Variants in KIAA0319L observed in about 807,000 individuals in gnomAD.
The protein encoded by KIAA0319L is KIAA0319 like.
Under a neutral mutation model 120.1 loss-of-function variants are expected in KIAA0319L, and 55 were observed. The ratio of observed to expected loss-of-function variants is 0.46; its 90% confidence interval spans 0.37 to 0.57. The LOEUF (loss-of-function observed/expected upper bound fraction) is 0.57. KIAA0319L is among the 20% of genes least tolerant of loss of function. KIAA0319L has a pLI of 0.00. For synonymous variants in KIAA0319L, 398 were observed against 471.9 expected (o/e 0.84, Z 2.03); for missense variants, 1,049 against 1,255.3 (o/e 0.84, Z 2.48).
chr1:35,434,692 A>G lies in KIAA0319L; in HGVS notation c.*202T>C. On this transcript the variant is annotated 3_prime_UTR_variant, in exon 21 of 21. Transcript: ENST00000325722. ...ATCTGGGGGCCCACCAGACAGGTTT[A>G]AAGAGGAAACCTCTTCATTCACAGC... 1 of 561,912 alleles carries G rather than the reference A, an allele frequency of 1.8e-6. No homozygotes were observed. Among genetic ancestry groups the G allele is most frequent in the Admixed American group, 3.2e-5 (1 of 31,230 alleles). 34.8% of individuals were successfully genotyped at this position (561,912 alleles called of 1,614,324 possible).
chr1:35,456,266 G>A (rs1356466708), intron 9 of KIAA0319L, 25 bp from the exon 10 acceptor site: 2 of 1,425,768 alleles, frequency 1.4e-6, no homozygotes, highest in East Asian at 2.3e-5. Flanking sequence ...AGAGGAGTGT[G>A]ATCAGGGACG....
chr1:35,491,721 T>C (rs1261606402), intron 3 of KIAA0319L, among the ~76,000 whole-genome samples: 1 of 151,994 alleles, frequency 6.6e-6, no homozygotes, highest in South Asian at 2.1e-4. Context: ...TTGAGAAACA[T>C]TAACTAGTCT....
At chr1:35,448,385 A>G in intron 15 of KIAA0319L, 53 bp from the exon 16 acceptor site, 1 of 1,494,896 alleles carries the variant, frequency 6.7e-7, no homozygotes, top group South Asian at 1.2e-5. Context: ...GTAAACACAG[A>G]CCTGCCACTG....
intron 3 of KIAA0319L, among the ~76,000 whole-genome samples, chr1:35,486,015 G>A (rs1458342515): frequency 6.6e-6 from 1 of 152,152 alleles, no homozygotes; most frequent in Non-Finnish European, 1.5e-5. Context: ...GCTGAGTAAT[G>A]GAGGTAAGGA....
intron 3 of KIAA0319L, among the ~76,000 whole-genome samples, chr1:35,485,081 T>C (rs926269094): frequency 1.3e-5 from 2 of 151,220 alleles, no homozygotes; most frequent in Non-Finnish European, 2.9e-5. Flanking sequence ...TATTAATGAC[T>C]TTTTTTTCCC....
At chr1:35,470,162 T>A (rs1013625182) in intron 6 of KIAA0319L, among the ~76,000 whole-genome samples, 1 of 151,782 alleles carries the variant, frequency 6.6e-6, no homozygotes, top group East Asian at 2.0e-4. Context: ...CGGGAGCCAC[T>A]GCGCCCAGCC....
At chr1:35,504,890 G>A (rs914489866) in intron 3 of KIAA0319L, among the ~76,000 whole-genome samples, 21 of 152,110 alleles carry the variant, frequency 1.4e-4, no homozygotes, top group Admixed American at 9.8e-4. Context: ...CTCTTTCTCC[G>A]TTTGCCCAGC....
chr1:35,547,857 C>A (rs1647042569), intron 2 of KIAA0319L, among the ~76,000 whole-genome samples: 1 of 152,148 alleles, frequency 6.6e-6, no homozygotes, highest in African/African-American at 2.4e-5. Context: ...TGCAGTGGCT[C>A]ACGCCTGTAA....
rs558267823 is a variant in KIAA0319L, at chr1:35,534,724, T to G, written c.142+19626A>C. Among the ~76,000 whole-genome samples, 929 of 151,274 alleles carry G rather than the reference T, an allele frequency of 6.1e-3. 14 individuals are homozygous for G. The highest frequency in any genetic ancestry group is 0.021 in the African/African-American group (884 of 41,270). ...AATACAAAAAATTAGCCGGGCGTGG[T>G]GGCAGGCACCTGTAATCCCAGCTAC... On this transcript the variant is annotated intron_variant, in intron 2 of 20. Transcript: ENST00000325722.
chr1:35,448,896 C>G (rs925301817), intron 15 of KIAA0319L, among the ~76,000 whole-genome samples: 1 of 152,222 alleles, frequency 6.6e-6, no homozygotes, highest in Non-Finnish European at 1.5e-5. Context: ...CACATCACAG[C>G]TGCACTATCT....
At position 35,549,233 on chromosome 1, in the gene KIAA0319L, A is replaced by G. The variant is rs1043014036; in HGVS notation, c.142+5117T>C. ...CAGCTAATTTTTTTTATTTTTGTAGAGATGAGGTTTCACTATGTTGTCCAG... is the reference window on the plus strand; with the variant it reads ...CAGCTAATTTTTTTTATTTTTGTAGGGATGAGGTTTCACTATGTTGTCCAG... On this transcript the variant is annotated intron_variant, in intron 2 of 20. Transcript: ENST00000325722. 5.3e-5 allele frequency among the ~76,000 whole-genome samples: 8 copies of G among 152,042 alleles called. No individual in the cohort carries two copies. The East Asian group carries it at 1.5e-3, about 29-fold the overall frequency.
At chr1:35,465,450 G>A (rs12072736) in intron 7 of KIAA0319L, among the ~76,000 whole-genome samples, 4,159 of 152,246 alleles carry the variant, frequency 0.027, 223 homozygotes, top group East Asian at 0.24. Flanking sequence ...CATTTGGAAC[G>A]GCTATATTTA....
chr1:35,522,841 C>T (rs1157853785), intron 2 of KIAA0319L, among the ~76,000 whole-genome samples: 1 of 151,146 alleles, frequency 6.6e-6, no homozygotes, highest in African/African-American at 2.4e-5. Flanking sequence ...CACTGGGAAA[C>T]CCCATCTCTC....
At chr1:35,477,481 C>T (rs1036130524) in intron 4 of KIAA0319L, among the ~76,000 whole-genome samples, 1 of 152,042 alleles carries the variant, frequency 6.6e-6, no homozygotes, top group Admixed American at 6.5e-5. Flanking sequence ...TCCTGGCTAA[C>T]ACGGTGAAAC....
At chr1:35,538,650 G>A (rs1365910152) in intron 2 of KIAA0319L, among the ~76,000 whole-genome samples, 2 of 149,418 alleles carry the variant, frequency 1.3e-5, no homozygotes, top group Non-Finnish European at 3.0e-5. Context: ...CTGACTGAAT[G>A]TGAGATAACA....
chr1:35,495,543 G>C (rs1273354278), intron 3 of KIAA0319L, among the ~76,000 whole-genome samples: 1 of 152,166 alleles, frequency 6.6e-6, no homozygotes, highest in African/African-American at 2.4e-5. Flanking sequence ...ATAAGTTACA[G>C]ACTGGGAGAG....
chr1:35,483,476 C>A (rs557202300), intron 3 of KIAA0319L, among the ~76,000 whole-genome samples: 6 of 152,240 alleles, frequency 3.9e-5, no homozygotes, highest in Admixed American at 3.3e-4. Context: ...GTTCTAGCAC[C>A]ATTTGTTGAA....
At chr1:35,554,062 G>A (rs917777169) in intron 2 of KIAA0319L, among the ~76,000 whole-genome samples, 1 of 152,164 alleles carries the variant, frequency 6.6e-6, no homozygotes, top group African/African-American at 2.4e-5. Flanking sequence ...TAGGTAATTT[G>A]CTCAAGGTTT....
chr1:35,484,017 A>G (rs938067292), intron 3 of KIAA0319L, among the ~76,000 whole-genome samples: 1 of 152,076 alleles, frequency 6.6e-6, no homozygotes, highest in Non-Finnish European at 1.5e-5. Context: ...GTATAAAGAC[A>G]CCAGTCATTA....
Sources: gnomAD v4.1 joint callset for allele counts (sites outside exome capture counted in the v4.1 genomes callset) on GRCh38, gnomAD v4.1.1 for gene constraint, MANE v1.5 for transcripts, NCBI Gene and HGNC (gene_info 2026-07-23, HGNC 2026-07-21) for gene names.